The following EHHADH variants were observed in gnomAD, a reference collection of about 807,000 sequenced individuals.
The protein encoded by EHHADH is enoyl-CoA hydratase and 3-hydroxyacyl CoA dehydrogenase.
A neutral mutation model predicts 64.4 loss-of-function variants in EHHADH; 48 were observed. That is an observed-to-expected ratio of 0.75 (90% CI 0.59 to 0.95). The LOEUF is 0.95. EHHADH is among the 40% of genes least tolerant of loss of function. The pLI is 0.00. For missense variants in EHHADH, 854 were observed against 876.6 expected (o/e 0.97, Z 0.33); for synonymous variants, 308 against 326.7 (o/e 0.94, Z 0.62).
Position 185,204,836 on chromosome 3 carries a change from A to G in EHHADH, c.569-79T>C. 6.6e-6 allele frequency: 8 copies of G among 1,217,996 alleles called. No individual in the cohort carries two copies. In the South Asian group the frequency reaches 1.2e-4, roughly 19 times the overall value. 75.4% of individuals were successfully genotyped at this position (1,217,996 alleles called of 1,614,324 possible). Reference sequence around the variant, plus strand: ...ATGTGAATATATAGTAATAACAATAACCTGTTCAAATTCAAAGCACAAACT... The same window carrying G: ...ATGTGAATATATAGTAATAACAATAGCCTGTTCAAATTCAAAGCACAAACT... On this transcript the variant is annotated intron_variant, in intron 5 of 6. Transcript: ENST00000231887.
intron 4 of EHHADH, among the ~76,000 whole-genome samples, chr3:185,224,958 A>G (rs894849484): frequency 6.6e-6 from 1 of 152,244 alleles, no homozygotes; most frequent in Non-Finnish European, 1.5e-5. Context: ...TGAATGTAAC[A>G]TAATATATTC....
At chr3:185,217,958 G>A (rs555182719) in intron 5 of EHHADH, among the ~76,000 whole-genome samples, 178 bp downstream of exon 5, 1 of 151,722 alleles carries the variant, frequency 6.6e-6, no homozygotes, top group South Asian at 2.1e-4. Context: ...GTAGACACGG[G>A]GTTTCACCGT....
At chr3:185,253,362 T>G in intron 1 of EHHADH, 1 of 132,682 alleles carries the variant, frequency 7.5e-6, no homozygotes, top group Non-Finnish European at 1.6e-5. Flanking sequence ...AAGTCCAACA[T>G]CAAACTAAGT....
At chr3:185,248,217 A>G (rs1002838815) in intron 2 of EHHADH, 197 bp downstream of exon 2, 58 of 553,754 alleles carry the variant, frequency 1.0e-4, no homozygotes, top group Non-Finnish European at 1.7e-4. Flanking sequence ...CCAATCCACA[A>G]TAAAAGAGAC....
intron 3 of EHHADH, among the ~76,000 whole-genome samples, chr3:185,233,322 AC>A (rs1719188808): frequency 6.6e-6 from 1 of 152,196 alleles, no homozygotes; most frequent in Non-Finnish European, 1.5e-5. Context: ...AATTGTAATC[AC>A]CAAGTTAACC....
chr3:185,251,369 T>C (rs1179699972), intron 1 of EHHADH, among the ~76,000 whole-genome samples: 1 of 152,220 alleles, frequency 6.6e-6, no homozygotes, highest in Non-Finnish European at 1.5e-5. Flanking sequence ...GAAACTGCTT[T>C]CGGTTACGTG....
At chr3:185,226,664 A>AGAAAG (rs60064821) in intron 4 of EHHADH, among the ~76,000 whole-genome samples, 16 of 135,800 alleles carry the variant, frequency 1.2e-4, no homozygotes, top group East Asian at 2.1e-4. Flanking sequence ...AAAAAAAAAA[A>AGAAAG]AAAGAAAGAA....
In EHHADH at chr3:185,217,847, C is replaced by T. The variant is rs192324032; in HGVS notation, c.568+289G>A. ...TGGCGCGATCTCGGCTCACTGCAAGCTCCGCCTCCCGGGTTCACGCCATTC... is the reference window on the plus strand; with the variant it reads ...TGGCGCGATCTCGGCTCACTGCAAGTTCCGCCTCCCGGGTTCACGCCATTC... On this transcript the variant is annotated intron_variant, in intron 5 of 6. Coordinates refer to ENST00000231887, the MANE Select transcript of EHHADH (RefSeq NM_001966.4). 9.4e-3 allele frequency among the ~76,000 whole-genome samples: 1,422 copies of T among 151,660 alleles called. 24 individuals are homozygous for T. The highest frequency in any genetic ancestry group is 0.032 in the African/African-American group (1,331 of 41,340).
chr3:185,240,224 G>T (rs7433322), intron 2 of EHHADH, among the ~76,000 whole-genome samples: 4,281 of 124,834 alleles, frequency 0.034, 194 homozygotes, highest in African/African-American at 0.11. Context: ...TTTAGTTTTT[G>T]TTTTTTTTTT....
intron 5 of EHHADH, among the ~76,000 whole-genome samples, chr3:185,210,156 G>A (rs74792386): frequency 0.017 from 2,602 of 152,280 alleles, 34 homozygotes; most frequent in Non-Finnish European, 0.029. Flanking sequence ...CATAGACAGC[G>A]CTGGGATATC....
intron 5 of EHHADH, among the ~76,000 whole-genome samples, chr3:185,209,449 G>A (rs946639263): frequency 6.6e-6 from 1 of 152,146 alleles, no homozygotes; most frequent in Non-Finnish European, 1.5e-5. Context: ...ACCAGAAGTT[G>A]TTTTCTATAA....
At position 185,253,988 on chromosome 3, in the gene EHHADH, G is replaced by T; in HGVS notation, c.35C>A (p.Ala12Glu). The change falls in exon 1 of 7, where the codon GCG becomes GAG. Residue 12 changes from alanine (A) to glutamate (E), a missense_variant. Ala to Glu is a moderately radical substitution (Grantham distance 107). Coordinates refer to ENST00000231887, the MANE Select transcript of EHHADH (RefSeq NM_001966.4). ...AEYTRLHNALALIRLRNPPVN... is the reference protein window; with the variant it reads ...AEYTRLHNALELIRLRNPPVN... ...CGGCGGGTTTCGGAGGCGGATTAGC[G>T]CCAAGGCGTTGTGCAGCCGCGTATA... The T allele has an allele frequency of 6.2e-7, 1 of 1,613,932 alleles. No homozygotes were observed. The highest frequency in any genetic ancestry group is 1.3e-5 in the African/African-American group (1 of 75,026).
chr3:185,232,127 C>A (rs956903678), intron 3 of EHHADH, among the ~76,000 whole-genome samples: 2 of 152,080 alleles, frequency 1.3e-5, no homozygotes, highest in African/African-American at 4.8e-5. Flanking sequence ...TACTTAAATG[C>A]GGACTGCCAT....
At position 185,202,334 on chromosome 3, in the gene EHHADH, A is replaced by G. The variant is rs867844183; in HGVS notation, c.910+2082T>C. On this transcript the variant is annotated intron_variant, in intron 6 of 6. Transcript: ENST00000231887. ...AGCCTGGGTGACAGAGCGAAACTCC[A>G]TATCAAAAAAAAAAAAAAAAAAATC... is the stretch of plus-strand genomic sequence containing the variant. Among the ~76,000 whole-genome samples the G allele has an allele frequency of 7.4e-5, 5 of 67,788 alleles. No homozygotes were observed. The South Asian group carries it at 2.4e-3, about 32-fold the overall frequency. 44.5% of individuals were successfully genotyped at this position (67,788 alleles called of 152,430 possible).
chr3:185,246,126 A>G, intron 2 of EHHADH: 3 of 1,217,790 alleles, frequency 2.5e-6, no homozygotes, highest in Non-Finnish European at 3.7e-6. Flanking sequence ...CTGGTTCTTG[A>G]ACATCACTTT....
intron 2 of EHHADH, among the ~76,000 whole-genome samples, chr3:185,239,664 TG>T (rs1205085404): frequency 2.0e-5 from 3 of 152,156 alleles, no homozygotes; most frequent in Non-Finnish European, 4.4e-5. Flanking sequence ...ATTTATCAAG[TG>T]TAAGAGTCTT....
chr3:185,209,575 T>A (rs1718484880), intron 5 of EHHADH, among the ~76,000 whole-genome samples: 1 of 152,194 alleles, frequency 6.6e-6, no homozygotes, highest in Non-Finnish European at 1.5e-5. Flanking sequence ...AAAAGACATA[T>A]GAACATAAGC....
At chr3:185,242,208 G>A (rs992355983) in intron 2 of EHHADH, among the ~76,000 whole-genome samples, 2 of 152,078 alleles carry the variant, frequency 1.3e-5, no homozygotes, top group African/African-American at 4.8e-5. Context: ...CTCATGGATG[G>A]GTAGAATCAA....
intron 1 of EHHADH, among the ~76,000 whole-genome samples, chr3:185,249,056 C>T (rs1227357428): frequency 5.9e-5 from 9 of 152,132 alleles, no homozygotes; most frequent in Admixed American, 5.2e-4. Flanking sequence ...TGAGTTACCT[C>T]AAATATCCAT....
Sources: allele counts gnomAD v4.1 joint callset (sites outside exome capture counted in the v4.1 genomes callset), GRCh38; gene constraint gnomAD v4.1.1; transcripts MANE v1.5; gene names NCBI Gene and HGNC (gene_info 2026-07-23, HGNC 2026-07-21).